The following PDE11A variants were observed in gnomAD, a reference collection of about 807,000 sequenced individuals.
PDE11A encodes dual 3',5'-cyclic-AMP and -GMP phosphodiesterase 11A.
Under a neutral mutation model 100.5 loss-of-function variants are expected in PDE11A, and 100 were observed. That is an observed-to-expected ratio of 1.00 (90% CI 0.85 to 1.18). PDE11A has a LOEUF of 1.18. PDE11A is among the 50% of genes most tolerant of loss of function. The pLI is 0.00. For missense variants in PDE11A, 1,141 were observed against 1,152.6 expected, an observed-to-expected ratio of 0.99 and a Z score of 0.15; for synonymous variants, 381 against 420.8, an observed-to-expected ratio of 0.91 and a Z score of 1.16.
chr2:177,815,775 A>AT (rs2083028418), intron 9 of PDE11A, among the ~76,000 whole-genome samples: 1 of 152,232 alleles, frequency 6.6e-6, no homozygotes, highest in Non-Finnish European at 1.5e-5. Flanking sequence ...CCTACTTCTT[A>AT]TATCTGGCTT....
chr2:177,907,996 A>G (rs974472180), intron 2 of PDE11A, among the ~76,000 whole-genome samples: 1 of 152,196 alleles, frequency 6.6e-6, no homozygotes, highest in African/African-American at 2.4e-5. Flanking sequence ...CTAACTTGCT[A>G]GCCTGCATGT....
At chr2:177,813,271 T>C (rs1410215587) in intron 9 of PDE11A, among the ~76,000 whole-genome samples, 1 of 152,220 alleles carries the variant, frequency 6.6e-6, no homozygotes, top group Non-Finnish European at 1.5e-5. Flanking sequence ...ATAAACTCTG[T>C]ACTCTTTATT....
intron 1 of PDE11A, among the ~76,000 whole-genome samples, chr2:178,031,976 A>G (rs2086553976): frequency 6.6e-6 from 1 of 152,178 alleles, no homozygotes; most frequent in South Asian, 2.1e-4. Flanking sequence ...TAATACAGGC[A>G]TAGATTAATA....
intron 2 of PDE11A, chr2:178,093,091 C>T (rs548487125): frequency 1.3e-5 from 2 of 152,302 alleles, no homozygotes; most frequent in South Asian, 2.1e-4. Flanking sequence ...TTAACTGAGA[C>T]TTATAGATTC....
rs551389694 is a variant in PDE11A at position 177,806,119 on chromosome 2, A to G, written c.1737+10710T>C. ...CTTATCTAGAAGAGCCACAAATGCA[A>G]AAGTAAACCTCTTGGCTTGAAAATT... On this transcript the variant is annotated intron_variant, in intron 9 of 19. Transcript: ENST00000286063. 4.6e-5 allele frequency among the ~76,000 whole-genome samples: 7 copies of G among 152,350 alleles called. No homozygotes were observed. The East Asian group carries it at 1.3e-3, about 29-fold the overall frequency.
At position 177,854,759 on chromosome 2, in the gene PDE11A, A is replaced by T. The variant is rs1325242393; in HGVS notation, c.1368-14376T>A. 2.6e-5 allele frequency among the ~76,000 whole-genome samples: 4 copies of T among 152,162 alleles called. No homozygotes were observed. The East Asian group carries it at 7.7e-4, about 29-fold the overall frequency. ...ATACCAAGAGGCAGACTCAGAATTC[A>T]ACTTCTGGCACCAGTCTTGTCTTCC... On this transcript the variant is annotated intron_variant, in intron 5 of 19. Coordinates refer to ENST00000286063, the MANE Select transcript of PDE11A (RefSeq NM_016953.4).
intron 5 of PDE11A, among the ~76,000 whole-genome samples, chr2:177,850,364 C>A (rs904499238): frequency 2.6e-5 from 4 of 151,880 alleles, no homozygotes; most frequent in African/African-American, 9.7e-5. Context: ...CCCTTCCTTA[C>A]ACCTTATACA....
intron 2 of PDE11A, among the ~76,000 whole-genome samples, chr2:177,927,640 G>C (rs896959341): frequency 6.6e-6 from 1 of 152,072 alleles, no homozygotes; most frequent in Non-Finnish European, 1.5e-5. Flanking sequence ...GGTAAAATGG[G>C]ACAATAAAAT....
intron 2 of PDE11A, among the ~76,000 whole-genome samples, chr2:178,005,616 T>C (rs1031599320): frequency 6.6e-6 from 1 of 152,198 alleles, no homozygotes; most frequent in African/African-American, 2.4e-5. Flanking sequence ...AATTCATCAG[T>C]TTAACTTCAG....
At chr2:177,890,583 C>G (rs537710140) in intron 4 of PDE11A, among the ~76,000 whole-genome samples, 29 of 152,258 alleles carry the variant, frequency 1.9e-4, no homozygotes, top group Non-Finnish European at 4.1e-4. Context: ...GTTATGAGAA[C>G]TTCTTTTGTG....
In PDE11A at chr2:177,772,287, A is replaced by G. The variant is rs181205044; in HGVS notation, c.1738-2914T>C. ...GAAATTTTAACCAAGGAAATATTCT[A>G]TGGAGTGGGCCTGTACTTTACAGAG... On this transcript the variant is annotated intron_variant, in intron 9 of 19. Transcript: ENST00000286063. 8.2e-4 allele frequency among the ~76,000 whole-genome samples: 125 copies of G among 152,304 alleles called. 4 individuals carry two copies. The highest frequency in any genetic ancestry group is 2.6e-3 in the African/African-American group (110 of 41,566).
intron 19 of PDE11A, among the ~76,000 whole-genome samples, chr2:177,642,275 G>A (rs1178865860): frequency 1.3e-5 from 2 of 152,202 alleles, no homozygotes; most frequent in Non-Finnish European, 2.9e-5. Context: ...TGGTCAGAAG[G>A]CAAGTAAGAG....
At chr2:177,872,251 A>G (rs1457058606) in intron 5 of PDE11A, among the ~76,000 whole-genome samples, 2 of 152,260 alleles carry the variant, frequency 1.3e-5, no homozygotes, top group African/African-American at 2.4e-5. Context: ...TAGAAGTTAT[A>G]GGAATATAAT....
chr2:177,656,166 C>T (rs2080380009), intron 19 of PDE11A, among the ~76,000 whole-genome samples: 1 of 152,182 alleles, frequency 6.6e-6, no homozygotes, highest in East Asian at 1.9e-4. Context: ...CATAGTCATG[C>T]ACCTTATAAT....
intron 5 of PDE11A, among the ~76,000 whole-genome samples, chr2:177,847,990 T>TGTGTGTG (rs1558970184): frequency 4.1e-5 from 6 of 147,810 alleles, no homozygotes; most frequent in Admixed American, 6.8e-5. Context: ...AATGGTGTGT[T>TGTGTGTG]TGTGTGTGTG....
At chr2:177,848,527 G>A (rs1464435575) in intron 5 of PDE11A, among the ~76,000 whole-genome samples, 4 of 152,140 alleles carry the variant, frequency 2.6e-5, no homozygotes, top group South Asian at 2.1e-4. Flanking sequence ...TGAGTTTCAC[G>A]TAAAGGGCTG....
Position 178,072,631 on chromosome 2 carries a change from C to A in PDE11A, c.-194G>T. On this transcript the variant is annotated 5_prime_UTR_variant, in exon 1 of 20. Transcript: ENST00000286063. ...TCTGGCTCAGAGTGGCTGGCGCCGACCCCACCCCGTGGTCCTGCTACTCCT... is the reference window on the plus strand; with the variant it reads ...TCTGGCTCAGAGTGGCTGGCGCCGAACCCACCCCGTGGTCCTGCTACTCCT... 4 of 1,482,190 alleles carry A rather than the reference C, an allele frequency of 2.7e-6. No individual in the cohort carries two copies. Among genetic ancestry groups the A allele is most frequent in the Non-Finnish European group, 3.6e-6 (4 of 1,119,854 alleles). 91.8% of individuals were successfully genotyped at this position (1,482,190 alleles called of 1,614,324 possible).
chr2:177,678,584 A>G (rs2080814298), intron 16 of PDE11A, among the ~76,000 whole-genome samples: 1 of 152,136 alleles, frequency 6.6e-6, no homozygotes, highest in Non-Finnish European at 1.5e-5. Flanking sequence ...AGTTGGTTTT[A>G]TTACTATTTT....
intron 19 of PDE11A, among the ~76,000 whole-genome samples, chr2:177,650,291 G>A (rs1056488303): frequency 6.6e-6 from 1 of 152,186 alleles, no homozygotes; most frequent in Non-Finnish European, 1.5e-5. Flanking sequence ...GAATTCTGCA[G>A]GCAACTGTGA....
Sources: allele counts gnomAD v4.1 joint callset (sites outside exome capture counted in the v4.1 genomes callset), GRCh38; gene constraint gnomAD v4.1.1; transcripts MANE v1.5; gene names NCBI Gene and HGNC (gene_info 2026-07-23, HGNC 2026-07-21).